The following FRY variants were observed in gnomAD, a reference collection of about 807,000 sequenced individuals.
The protein encoded by FRY is FRY microtubule binding protein, also known as protein furry homolog.
In FRY, 128 loss-of-function variants were observed where a neutral mutation model predicts 348.4. That is an observed-to-expected ratio of 0.37 (90% CI 0.32 to 0.43). The LOEUF (loss-of-function observed/expected upper bound fraction) is 0.43, where lower values mean the gene tolerates loss of function less well. FRY is among the 20% of genes least tolerant of loss of function. FRY has a pLI of 1.00. For synonymous variants in FRY, 1,370 were observed against 1,374.7 expected (o/e 1.00, Z 0.08); for missense variants, 2,736 against 3,695.2 (o/e 0.74, Z 6.73).
Position 32,185,072 on chromosome 13 carries a change from C to T in FRY, c.3243C>T (p.Asp1081=). 1.2e-6 allele frequency: 2 copies of T among 1,613,904 alleles called. No homozygotes were observed. Among genetic ancestry groups the T allele is most frequent in the Non-Finnish European group, 1.7e-6 (2 of 1,179,814 alleles). The change falls in exon 26 of 61, where the codon GAC becomes GAT. Residue 1081 remains aspartate (D), a synonymous_variant. Coordinates refer to ENST00000542859, the MANE Select transcript of FRY (RefSeq NM_023037.3). Reference sequence around the variant, plus strand: ...GCATGCTCCTAGAAGCTGAAAATGACAAAGAAGTTGAAATTCTTAAAGATA... The same window carrying T: ...GCATGCTCCTAGAAGCTGAAAATGATAAAGAAGTTGAAATTCTTAAAGATA... ...LTRMLLEAEN[D]KEVEILKDIR...
At position 32,185,163 on chromosome 13, in the gene FRY, T is replaced by C; in HGVS notation, c.3319+15T>C. ...GTGTGTTCCAGGTACGGTGATCCGT[T>C]ACAAGAAATTACCATTCATGCTTGG... On this transcript the variant is annotated intron_variant, in intron 26 of 60. Transcript: ENST00000542859. The C allele has an allele frequency of 6.2e-7, 1 of 1,610,200 alleles. No individual in the cohort carries two copies. Among genetic ancestry groups the C allele is most frequent in the Non-Finnish European group, 8.5e-7 (1 of 1,176,560 alleles).
chr13:32,282,029 G>A (rs1289596064), intron 58 of FRY, among the ~76,000 whole-genome samples: 3 of 152,194 alleles, frequency 2.0e-5, no homozygotes, highest in Admixed American at 6.5e-5. Flanking sequence ...TGGGCTGTGA[G>A]AGAAAACTGA....
intron 34 of FRY, among the ~76,000 whole-genome samples, chr13:32,211,486 A>C (rs1884683497): frequency 6.6e-6 from 1 of 152,176 alleles, no homozygotes; most frequent in Non-Finnish European, 1.5e-5. Context: ...TGAGTTTCTT[A>C]GGGATCATAG....
Position 32,078,913 on chromosome 13 carries a change from C to A in FRY, c.150C>A (p.Thr50=). 3.7e-6 allele frequency: 6 copies of A among 1,613,974 alleles called. No homozygotes were observed. Among genetic ancestry groups the A allele is most frequent in the Non-Finnish European group, 5.1e-6 (6 of 1,179,850 alleles). ...SGTHREKGPP[T]MLPINVDPDS... is the part of the protein sequence containing the mutation. The stretch of plus-strand genomic sequence containing the variant: ...CGCACAGGGAGAAAGGGCCGCCAAC[C>A]ATGCTACCCATCAATGTGGACCCAG... Residue 50 remains threonine (T), a synonymous_variant, in exon 2 of 61, where the codon ACC becomes ACA. Coordinates refer to ENST00000542859, the MANE Select transcript of FRY (RefSeq NM_023037.3).
chr13:32,211,224 CT>C (rs1276310231), intron 34 of FRY, among the ~76,000 whole-genome samples, 190 bp downstream of exon 34: 8 of 152,234 alleles, frequency 5.3e-5, no homozygotes, highest in African/African-American at 1.2e-4. Flanking sequence ...AATCCCAGCA[CT>C]TTGGGAGGCT....
At chr13:32,212,211 C>T in intron 34 of FRY, 81 bp from the exon 35 acceptor site, 1 of 776,714 alleles carries the variant, frequency 1.3e-6, no homozygotes, top group East Asian at 2.7e-5. Flanking sequence ...GGAAATCTTT[C>T]CCTGGAATTA....
intron 1 of FRY, among the ~76,000 whole-genome samples, chr13:32,037,027 TACAC>T (rs63370460): frequency 0.016 from 1,549 of 99,560 alleles, 29 homozygotes; most frequent in African/African-American, 0.052. Flanking sequence ...CTCTCTGTTT[TACAC>T]ACACACACAC....
At position 32,175,624 on chromosome 13, in the gene FRY, T is replaced by G. The variant is rs1430867610; in HGVS notation, c.2413T>G (p.Ser805Ala). ...ILESFIHVAV[S>A]DSATLPLTHN... ...AGAAAGTTTTATTCATGTAGCAGTT[T>G]CGGATTCAGTAAGTACACATTTGAT... The change falls in exon 20 of 61, where the codon TCG becomes GCG. Residue 805 changes from serine to alanine, a missense_variant. Transcript: ENST00000542859. 2 of 1,574,954 alleles carry G rather than the reference T, an allele frequency of 1.3e-6. No homozygotes were observed. The highest frequency in any genetic ancestry group is 2.7e-5 in the African/African-American group (2 of 74,182).
At chr13:32,243,560 A>G (rs1886622933) in intron 46 of FRY, among the ~76,000 whole-genome samples, 1 of 152,158 alleles carries the variant, frequency 6.6e-6, no homozygotes, top group Non-Finnish European at 1.5e-5. Context: ...TTATCTCCCC[A>G]TCAATACTGA....
intron 36 of FRY, among the ~76,000 whole-genome samples, chr13:32,223,928 G>C (rs979264794): frequency 5.3e-5 from 8 of 151,804 alleles, no homozygotes; most frequent in African/African-American, 1.9e-4. Flanking sequence ...GTAGAGGTGG[G>C]GTTTTGCCAT....
At chr13:32,180,500 G>T (rs1238399169) in intron 23 of FRY, among the ~76,000 whole-genome samples, 1 of 152,192 alleles carries the variant, frequency 6.6e-6, no homozygotes, top group East Asian at 1.9e-4. Flanking sequence ...CCCCCAAAGT[G>T]CTGGGATTAC....
chr13:32,286,139 A>G (rs562972824), intron 58 of FRY, among the ~76,000 whole-genome samples: 1 of 152,290 alleles, frequency 6.6e-6, no homozygotes, highest in African/African-American at 2.4e-5. Context: ...TCCTTTAATT[A>G]CATTTGTCGA....
intron 3 of FRY, among the ~76,000 whole-genome samples, chr13:32,115,341 G>A (rs1878231570): frequency 6.6e-6 from 1 of 152,078 alleles, no homozygotes; most frequent in Admixed American, 6.5e-5. Context: ...TGCCATCTCT[G>A]CTTCTCAGGC....
At chr13:32,061,188 G>A (rs752851343) in intron 1 of FRY, 7 of 532,524 alleles carry the variant, frequency 1.3e-5, no homozygotes, top group East Asian at 5.4e-5. Flanking sequence ...CTGTTAATAT[G>A]TGTGGAGTGG....
intron 13 of FRY, among the ~76,000 whole-genome samples, chr13:32,149,519 A>G (rs1221881433): frequency 6.6e-6 from 1 of 151,896 alleles, no homozygotes; most frequent in Non-Finnish European, 1.5e-5. Flanking sequence ...CCAATTACAT[A>G]TTTTGTATAA....
rs187886132 is a variant in FRY, at chr13:32,223,561, A to C, written c.4766-674A>C. Among the ~76,000 whole-genome samples, 95 of 152,182 alleles carry C rather than the reference A, an allele frequency of 6.2e-4. 2 individuals carry two copies. In the East Asian group the frequency reaches 0.016, roughly 26 times the overall value. ...GAGGCCAAGGTGGGAGGATCACTTG[A>C]GTCCAGGAGTTCGAGACCAGCATGA... On this transcript the variant is annotated intron_variant, in intron 36 of 60. Coordinates refer to ENST00000542859, the MANE Select transcript of FRY (RefSeq NM_023037.3).
At chr13:32,285,830 C>G (rs183400414) in intron 58 of FRY, among the ~76,000 whole-genome samples, 22 of 152,296 alleles carry the variant, frequency 1.4e-4, no homozygotes, top group Admixed American at 1.4e-3. Context: ...ACTTAAGACT[C>G]TCCCTGTGTG....
At chr13:32,194,737 A>T (rs2138300037) in intron 29 of FRY, among the ~76,000 whole-genome samples, 1 of 152,338 alleles carries the variant, frequency 6.6e-6, no homozygotes, top group South Asian at 2.1e-4. Context: ...AAAAGAAAAG[A>T]AAATGTGATA....
intron 46 of FRY, among the ~76,000 whole-genome samples, chr13:32,243,266 C>T (rs748328337): frequency 1.1e-4 from 16 of 152,248 alleles, no homozygotes; most frequent in East Asian, 9.6e-4. Context: ...AACTGCATGA[C>T]GTTTCATTAT....
Sources: gnomAD v4.1 joint callset for allele counts (sites outside exome capture counted in the v4.1 genomes callset) on GRCh38, gnomAD v4.1.1 for gene constraint, MANE v1.5 for transcripts, NCBI Gene and HGNC (gene_info 2026-07-23, HGNC 2026-07-21) for gene names.